PPP4R2: variants seen among roughly 807,000 people sequenced by gnomAD.
PPP4R2 encodes the protein serine/threonine-protein phosphatase 4 regulatory subunit 2.
In PPP4R2, 13 loss-of-function variants were observed where a neutral mutation model predicts 47.2. The ratio of observed to expected loss-of-function variants is 0.28; its 90% CI spans 0.18 to 0.44. The LOEUF is 0.44. PPP4R2 is among the 20% of genes least tolerant of loss of function. PPP4R2 has a pLI of 1.00. For synonymous variants in PPP4R2, 151 were observed against 163.3 expected (o/e 0.92, Z 0.57); for missense variants, 421 against 491.2 (o/e 0.86, Z 1.35).
intron 2 of PPP4R2, among the ~76,000 whole-genome samples, chr3:73,040,500 T>C: frequency 7.1e-5 from 1 of 14,022 alleles, no homozygotes; most frequent in East Asian, 2.4e-3. Context: ...TGTGACCTAA[T>C]TTTTTTTTTT....
At chr3:73,012,237 T>C (rs748415589) in intron 2 of PPP4R2, among the ~76,000 whole-genome samples, 29 of 152,360 alleles carry the variant, frequency 1.9e-4, no homozygotes, top group African/African-American at 5.5e-4. Flanking sequence ...TTATACCTTA[T>C]ATTGTTTAGG....
chr3:73,007,100 C>T (rs938260635), intron 2 of PPP4R2, among the ~76,000 whole-genome samples: 12 of 152,308 alleles, frequency 7.9e-5, no homozygotes, highest in African/African-American at 2.9e-4. Flanking sequence ...TTTAGGAAAA[C>T]TTTTACATCC....
chr3:73,062,221 CA>C, intron 5 of PPP4R2: 1 of 1,594,018 alleles, frequency 6.3e-7, no homozygotes, highest in South Asian at 1.1e-5. Context: ...CAATTTTCCA[CA>C]ATGTCTCATC....
intron 2 of PPP4R2, among the ~76,000 whole-genome samples, chr3:73,002,497 A>T (rs549221218): frequency 1.3e-5 from 2 of 152,042 alleles, no homozygotes; most frequent in Non-Finnish European, 2.9e-5. Context: ...GCCTTAAGCA[A>T]TCCTCCCAGA....
chr3:73,044,570 A>G (rs945210078), intron 2 of PPP4R2, among the ~76,000 whole-genome samples: 2 of 152,156 alleles, frequency 1.3e-5, no homozygotes, highest in African/African-American at 4.8e-5. Context: ...CTGGCAACGG[A>G]GTGACACTGT....
rs1240970132 is a variant in PPP4R2, at chr3:73,066,463, A to G, written c.*741A>G. On this transcript the variant is annotated 3_prime_UTR_variant, in exon 9 of 9. Coordinates refer to ENST00000356692, the MANE Select transcript of PPP4R2 (RefSeq NM_174907.4). ...AATACCAGGTTAAACACATTCCAAG[A>G]GATCTGTTCAAACTCAAATTCTTTT... is the stretch of plus-strand genomic sequence containing the variant. 6.6e-6 allele frequency: 1 copy of G among 151,978 alleles called. No homozygotes were observed. Among genetic ancestry groups the G allele is most frequent in the Non-Finnish European group, 1.5e-5 (1 of 67,924 alleles). 9.4% of individuals were successfully genotyped at this position (151,978 alleles called of 1,614,324 possible). A position where few individuals can be genotyped will look rare whatever the true frequency, so the allele number is the denominator to read the frequency against.
chr3:73,002,887 C>T (rs566782476), intron 2 of PPP4R2, among the ~76,000 whole-genome samples: 2 of 151,848 alleles, frequency 1.3e-5, no homozygotes, highest in East Asian at 3.9e-4. Flanking sequence ...CGTGATCCAT[C>T]CACCTTGGCC....
intron 2 of PPP4R2, among the ~76,000 whole-genome samples, chr3:73,006,308 TC>T (rs1466002033): frequency 6.6e-6 from 1 of 151,408 alleles, no homozygotes; most frequent in Non-Finnish European, 1.5e-5. Flanking sequence ...AAGCTATTCT[TC>T]CGTCTCAGCC....
At chr3:73,061,992 T>C (rs1702868935) in intron 5 of PPP4R2, 2 of 945,162 alleles carry the variant, frequency 2.1e-6, no homozygotes, top group Non-Finnish European at 3.1e-6. Flanking sequence ...ATTTCTTTTA[T>C]GAAGCAAAAT....
At chr3:73,016,709 A>G (rs1301347749) in intron 2 of PPP4R2, among the ~76,000 whole-genome samples, 1 of 136,520 alleles carries the variant, frequency 7.3e-6, no homozygotes, top group Non-Finnish European at 1.6e-5. Flanking sequence ...GTGTCTGTTA[A>G]CTAGCTTTAT....
At chr3:73,051,806 T>A (rs955066395) in intron 3 of PPP4R2, among the ~76,000 whole-genome samples, 1 of 152,138 alleles carries the variant, frequency 6.6e-6, no homozygotes, top group African/African-American at 2.4e-5. Context: ...TTTGTATTTT[T>A]AGTAGAGATG....
chr3:73,045,951 AATTTTT>A (rs1702476961), intron 2 of PPP4R2, among the ~76,000 whole-genome samples: 2 of 152,210 alleles, frequency 1.3e-5, no homozygotes, highest in Non-Finnish European at 2.9e-5. Flanking sequence ...TATGCAGCAT[AATTTTT>A]TTAATACCTG....
At chr3:73,061,163 T>C in intron 5 of PPP4R2, 103 bp downstream of exon 5, 2 of 502,642 alleles carry the variant, frequency 4.0e-6, no homozygotes, top group Non-Finnish European at 6.6e-6. Flanking sequence ...ATTTAATATG[T>C]AATTAAGTGT....
intron 2 of PPP4R2, among the ~76,000 whole-genome samples, chr3:73,014,024 C>G (rs533557900): frequency 8.7e-6 from 1 of 114,740 alleles, no homozygotes; most frequent in Non-Finnish European, 2.1e-5. Context: ...TTTGGGTGTT[C>G]TTTATTTAAC....
intron 2 of PPP4R2, among the ~76,000 whole-genome samples, chr3:73,003,217 G>GTT (rs11296236): frequency 1.6e-4 from 22 of 140,860 alleles, no homozygotes; most frequent in African/African-American, 4.7e-4. Context: ...TTTCCCTTTT[G>GTT]TTTTTTTTTT....
chr3:72,997,404 A>C, intron 1 of PPP4R2: 1 of 204,902 alleles, frequency 4.9e-6, no homozygotes, highest in Non-Finnish European at 9.6e-6. Context: ...TTTCTCCACC[A>C]GGCTACCCGT....
intron 3 of PPP4R2, among the ~76,000 whole-genome samples, chr3:73,051,964 A>G (rs1259607111): frequency 2.0e-5 from 3 of 152,298 alleles, no homozygotes; most frequent in East Asian, 1.9e-4. Context: ...GAAATTGTCC[A>G]TGCACTTGTT....
intron 2 of PPP4R2, among the ~76,000 whole-genome samples, chr3:73,013,325 C>T (rs572500747): frequency 1.3e-5 from 2 of 152,230 alleles, no homozygotes; most frequent in Admixed American, 6.5e-5. Flanking sequence ...TTTACATCTT[C>T]ATTTTGGTTA....
At chr3:73,039,838 A>T (rs1453045391) in intron 2 of PPP4R2, among the ~76,000 whole-genome samples, 1 of 152,134 alleles carries the variant, frequency 6.6e-6, no homozygotes, top group Non-Finnish European at 1.5e-5. Flanking sequence ...AATCACCTGA[A>T]GTGTCAGGAG....
Sources: gnomAD v4.1 joint callset for allele counts (sites outside exome capture counted in the v4.1 genomes callset) on GRCh38, gnomAD v4.1.1 for gene constraint, MANE v1.5 for transcripts, NCBI Gene and HGNC (gene_info 2026-07-23, HGNC 2026-07-21) for gene names.